Variants in ADGRF5 observed in about 807,000 individuals in gnomAD.
The protein encoded by ADGRF5 is adhesion G protein-coupled receptor F5.
In ADGRF5, 75 loss-of-function variants were observed where a neutral mutation model predicts 132.3. That is an observed-to-expected ratio of 0.57 (90% CI 0.47 to 0.69). The LOEUF (loss-of-function observed/expected upper bound fraction) is 0.69, where lower values mean the gene tolerates loss of function less well. Among genes scored for constraint, ADGRF5 ranks in the 30% least tolerant of loss-of-function variants. The pLI is 0.00. For synonymous variants in ADGRF5, 629 were observed against 597.6 expected, an observed-to-expected ratio of 1.05 and a Z score of -0.77; for missense variants, 1,516 against 1,630.6, an observed-to-expected ratio of 0.93 and a Z score of 1.21.
At chr6:46,910,977 G>A (rs945872349) in intron 1 of ADGRF5, among the ~76,000 whole-genome samples, 3 of 152,136 alleles carry the variant, frequency 2.0e-5, no homozygotes, top group Non-Finnish European at 2.9e-5. Context: ...CTCAAATGCA[G>A]GCTCACTCTG....
intron 3 of ADGRF5, among the ~76,000 whole-genome samples, chr6:46,893,266 T>A (rs1156652743): frequency 6.6e-6 from 1 of 151,884 alleles, no homozygotes; most frequent in Non-Finnish European, 1.5e-5. Context: ...ATGCCCTCAA[T>A]CCCCCAGTAC....
chr6:46,876,430 A>G (rs1771665707), intron 10 of ADGRF5, among the ~76,000 whole-genome samples: 1 of 152,000 alleles, frequency 6.6e-6, no homozygotes. Flanking sequence ...GGATACCTAC[A>G]CCTCCTCTTC....
intron 10 of ADGRF5, among the ~76,000 whole-genome samples, chr6:46,874,776 C>G (rs1490747837): frequency 1.3e-5 from 2 of 152,180 alleles, no homozygotes; most frequent in Non-Finnish European, 2.9e-5. Context: ...CTTTTTCTAA[C>G]CACAGCAGCT....
intron 1 of ADGRF5, among the ~76,000 whole-genome samples, chr6:46,931,685 G>A (rs1388036010): frequency 6.6e-6 from 1 of 152,218 alleles, no homozygotes; most frequent in Non-Finnish European, 1.5e-5. Flanking sequence ...CTCATCTGGT[G>A]TCACACTTGA....
At chr6:46,881,754 G>A (rs755319515) in intron 7 of ADGRF5, among the ~76,000 whole-genome samples, 157 bp from the exon 8 acceptor site, 1 of 152,210 alleles carries the variant, frequency 6.6e-6, no homozygotes, top group Non-Finnish European at 1.5e-5. Flanking sequence ...CTGGAAGAAA[G>A]ACATCATTGC....
At chr6:46,860,443 T>C (rs1356635549) in intron 16 of ADGRF5, among the ~76,000 whole-genome samples, 1 of 152,224 alleles carries the variant, frequency 6.6e-6, no homozygotes, top group Admixed American at 6.5e-5. Context: ...AAACCTTTAA[T>C]TCCTAGTTTT....
rs67565937 is a variant in ADGRF5 at position 46,862,703 on chromosome 6, C to CTTTTTTTTTTTTTTTTT, written c.2199+168_2199+184dup. On this transcript the variant is annotated intron_variant, in intron 15 of 20. Coordinates refer to ENST00000283296, the MANE Select transcript of ADGRF5 (RefSeq NM_001098518.2). ...AGTTGTCTTAGTATTTGAATTGAGG[C>CTTTTTTTTTTTTTTTTT]TTTTTTTTTTTTTTTTTTTTTTTTT... 2.0e-3 allele frequency among the ~76,000 whole-genome samples: 53 copies of CTTTTTTTTTTTTTTTTT among 26,510 alleles called. 11 individuals carry two copies. Among genetic ancestry groups the CTTTTTTTTTTTTTTTTT allele is most frequent in the East Asian group, 3.8e-3 (2 of 522 alleles). The allele number at this position is 26,510 out of a possible 152,430, so 17.4% of individuals were successfully genotyped here.
intron 1 of ADGRF5, among the ~76,000 whole-genome samples, chr6:46,914,845 T>A (rs1047073947): frequency 6.6e-6 from 1 of 151,828 alleles, no homozygotes; most frequent in Non-Finnish European, 1.5e-5. Context: ...GTTGTTTGTT[T>A]TTATTTTTTT....
intron 1 of ADGRF5, among the ~76,000 whole-genome samples, chr6:46,931,467 G>C (rs996137784): frequency 2.6e-5 from 4 of 152,204 alleles, no homozygotes; most frequent in Non-Finnish European, 4.4e-5. Flanking sequence ...TCAATTAGCT[G>C]TTCTCATCTC....
At position 46,888,427 on chromosome 6, in the gene ADGRF5, G is replaced by C. The variant is rs748993061; in HGVS notation, c.236C>G (p.Pro79Arg). 6.2e-7 allele frequency: 1 copy of C among 1,610,498 alleles called. No homozygotes were observed. The change falls in exon 4 of 21, where the codon CCT (proline) becomes CGT (arginine). Residue 79 changes from proline (P) to arginine (R), a missense_variant. By Grantham distance (103) the Pro-to-Arg change is moderately radical. Transcript: ENST00000283296. ...GAGGCTGTTCAAGTAGGCTTTGATA[G>C]GATCCAGGAAGGATGCATTTTCAAA... The part of the protein sequence containing the change: ...ISFENASFLD[P>R]IKAYLNSLSF...
At chr6:46,867,256 C>CA (rs796608641) in intron 12 of ADGRF5, 119 bp from the exon 13 acceptor site, 56 of 633,082 alleles carry the variant, frequency 8.8e-5, no homozygotes, top group African/African-American at 7.3e-4. Context: ...AGGAATACCA[C>CA]AACTTCCTGG....
At chr6:46,863,140 G>T in intron 14 of ADGRF5, 44 bp from the exon 15 acceptor site, 1 of 1,401,356 alleles carries the variant, frequency 7.1e-7, no homozygotes, top group Non-Finnish European at 1.0e-6. Flanking sequence ...GCAAGGAAGA[G>T]ACAATATAGT....
intron 16 of ADGRF5, among the ~76,000 whole-genome samples, chr6:46,860,342 C>T (rs547257688): frequency 1.3e-5 from 2 of 152,294 alleles, no homozygotes; most frequent in East Asian, 1.9e-4. Flanking sequence ...CCTCCCAGAA[C>T]CTCTATGCTT....
intron 10 of ADGRF5, among the ~76,000 whole-genome samples, chr6:46,876,330 G>T (rs1562172264): frequency 6.6e-6 from 1 of 152,212 alleles, no homozygotes; most frequent in Non-Finnish European, 1.5e-5. Flanking sequence ...TTGCCAGAAG[G>T]CCAGGTTTTT....
At chr6:46,949,552 C>G (rs192099433) in intron 1 of ADGRF5, among the ~76,000 whole-genome samples, 30 of 152,342 alleles carry the variant, frequency 2.0e-4, no homozygotes, top group Non-Finnish European at 4.0e-4. Context: ...TTCCAGCCAG[C>G]TTTCTTCTCT....
At chr6:46,871,745 A>G (rs1475761097) in intron 11 of ADGRF5, 98 bp downstream of exon 11, 7 of 778,426 alleles carry the variant, frequency 9.0e-6, no homozygotes, top group South Asian at 2.5e-5. Flanking sequence ...TCTGTCCATT[A>G]TTTTGCTCAT....
chr6:46,871,037 AC>A (rs1771003069), intron 11 of ADGRF5, among the ~76,000 whole-genome samples: 1 of 151,084 alleles, frequency 6.6e-6, no homozygotes, highest in Non-Finnish European at 1.5e-5. Context: ...GCCCACATAA[AC>A]ATAATCTTGA....
intron 10 of ADGRF5, among the ~76,000 whole-genome samples, chr6:46,875,966 T>C (rs1025975250): frequency 1.3e-5 from 2 of 152,260 alleles, no homozygotes; most frequent in Admixed American, 1.3e-4. Flanking sequence ...CTGCCATTGT[T>C]GATTATTTCC....
intron 1 of ADGRF5, among the ~76,000 whole-genome samples, chr6:46,952,389 G>C (rs1778531873): frequency 1.3e-5 from 2 of 152,178 alleles, no homozygotes; most frequent in African/African-American, 4.8e-5. Flanking sequence ...CATATCCCTA[G>C]CACATAGCAC....
Sources: gnomAD v4.1 joint callset for allele counts (sites outside exome capture counted in the v4.1 genomes callset) on GRCh38, gnomAD v4.1.1 for gene constraint, MANE v1.5 for transcripts, NCBI Gene and HGNC (gene_info 2026-07-23, HGNC 2026-07-21) for gene names.